The following EML6 variants were observed in gnomAD, a reference collection of about 807,000 sequenced individuals.
The protein encoded by EML6 is echinoderm microtubule-associated protein-like 6.
EML6 carries 154 observed loss-of-function variants against 240.1 expected under a neutral mutation model. The ratio of observed to expected loss-of-function variants is 0.64; its 90% CI spans 0.56 to 0.73. The LOEUF is 0.73. EML6 is among the 30% of genes least tolerant of loss of function. The probability of loss-of-function intolerance (pLI) is 0.00; values close to 1 mark genes in which losing one functional copy is unlikely to be tolerated. For synonymous variants in EML6, 1,148 were observed against 899.0 expected, an observed-to-expected ratio of 1.28 and a Z score of -4.95; for missense variants, 2,964 against 2,474.6, an observed-to-expected ratio of 1.20 and a Z score of -4.20.
At chr2:54,748,390 G>A (rs2103688930) in intron 2 of EML6, 1 of 152,128 alleles carries the variant, frequency 6.6e-6, no homozygotes, top group South Asian at 2.1e-4. Flanking sequence ...ATCTGGTTTT[G>A]GTTTTTCTTC....
At chr2:54,903,631 G>T in intron 24 of EML6, 129 bp downstream of exon 24, 2 of 771,028 alleles carry the variant, frequency 2.6e-6, no homozygotes, top group Non-Finnish European at 4.0e-6. Flanking sequence ...CAATATAAAC[G>T]ACTGTAATTT....
intron 10 of EML6, among the ~76,000 whole-genome samples, chr2:54,851,166 T>A (rs1411740006): frequency 6.6e-6 from 1 of 152,152 alleles, no homozygotes; most frequent in Non-Finnish European, 1.5e-5. Context: ...CCTAGCACTT[T>A]TGGAGACTGA....
At chr2:54,937,048 G>A (rs1381162657) in intron 28 of EML6, among the ~76,000 whole-genome samples, 4 of 151,368 alleles carry the variant, frequency 2.6e-5, no homozygotes, top group Non-Finnish European at 5.9e-5. Flanking sequence ...GGGAGGCGGA[G>A]GAGGGTGGAT....
In EML6 at chr2:54,916,904, G is replaced by C. The variant is rs1319085853; in HGVS notation, c.3644G>C (p.Gly1215Ala). 3 of 1,547,722 alleles carry C rather than the reference G, an allele frequency of 1.9e-6. No individual in the cohort carries two copies. The change falls in exon 26 of 42, where the codon GGT (glycine) becomes GCT (alanine). Residue 1215 changes from glycine (G) to alanine (A), a missense_variant. By Grantham distance (60) the Gly-to-Ala change is moderately conservative (BLOSUM62 0). Transcript: ENST00000356458. ...CTTTTAGCCACCGGAGATGATTTTG[G>C]TTTCGTTAAGCTTTTTTCATATCCT... Reference protein sequence around the residue: ...CSLLATGDDFGFVKLFSYPVK... With the variant: ...CSLLATGDDFAFVKLFSYPVK...
intron 30 of EML6, among the ~76,000 whole-genome samples, chr2:54,952,151 A>C (rs1676012549): frequency 6.6e-6 from 1 of 152,172 alleles, no homozygotes; most frequent in African/African-American, 2.4e-5. Flanking sequence ...CATATTCCAC[A>C]TGAAGAAGTG....
intron 2 of EML6, among the ~76,000 whole-genome samples, chr2:54,744,694 G>A (rs1417466583): frequency 6.6e-6 from 1 of 152,076 alleles, no homozygotes; most frequent in Non-Finnish European, 1.5e-5. Flanking sequence ...GGTCAGTTAG[G>A]GGAGAGAGGG....
At chr2:54,828,409 C>T (rs955924125) in intron 6 of EML6, among the ~76,000 whole-genome samples, 1 of 152,096 alleles carries the variant, frequency 6.6e-6, no homozygotes, top group African/African-American at 2.4e-5. Flanking sequence ...TAAAATTGTC[C>T]CTATAAATGG....
At chr2:54,759,715 T>C (rs1321548594) in intron 2 of EML6, among the ~76,000 whole-genome samples, 1 of 152,020 alleles carries the variant, frequency 6.6e-6, no homozygotes, top group African/African-American at 2.4e-5. Flanking sequence ...CAAGCTAGCA[T>C]GTGAATGCTC....
intron 2 of EML6, among the ~76,000 whole-genome samples, chr2:54,797,168 A>AAAAAAAAAAAAAAAAAACAAC (rs1572911671): frequency 1.6e-5 from 2 of 125,978 alleles, no homozygotes; most frequent in East Asian, 4.2e-4. Context: ...CCATCTCAAA[A>AAAAAAAAAAAAAAAAAACAAC]AAAAAAAAAA....
chr2:54,892,738 C>A (rs1449731069), intron 19 of EML6, 82 bp downstream of exon 19: 3 of 1,081,160 alleles, frequency 2.8e-6, no homozygotes, highest in African/African-American at 3.2e-5. Flanking sequence ...CAAGAGGATG[C>A]CTGTATCTAA....
intron 5 of EML6, 29 bp from the exon 6 acceptor site, chr2:54,827,537 G>T (rs906060123): frequency 2.6e-6 from 4 of 1,519,214 alleles, no homozygotes; most frequent in African/African-American, 1.4e-5. Context: ...ACTCTATCTT[G>T]GAGATCTATT....
chr2:54,933,716 AGT>A (rs1403404510), intron 28 of EML6, among the ~76,000 whole-genome samples: 1 of 152,122 alleles, frequency 6.6e-6, no homozygotes, highest in Non-Finnish European at 1.5e-5. Context: ...TGGGTGACAG[AGT>A]GAGACTCTGC....
chr2:54,895,145 C>G lies in EML6; in HGVS notation c.2854+119C>G, dbSNP rs1471017881. The G allele has an allele frequency of 7.6e-6, 10 of 1,323,814 alleles. No individual in the cohort carries two copies. In the African/African-American group the frequency reaches 1.0e-4, roughly 14 times the overall value. 82.0% of individuals were successfully genotyped at this position (1,323,814 alleles called of 1,614,324 possible). On this transcript the variant is annotated intron_variant, in intron 20 of 41. Transcript: ENST00000356458. ...TTCTCCCTCTTCCATGTTTAGAACT[C>G]TCTTCCTCTGGTAGAAATGTCAAGG...
At chr2:54,809,884 C>T (rs975358118) in intron 2 of EML6, among the ~76,000 whole-genome samples, 2 of 151,998 alleles carry the variant, frequency 1.3e-5, no homozygotes, top group African/African-American at 4.8e-5. Context: ...GACATGGATG[C>T]CATTTGGCTG....
At chr2:54,801,045 G>A (rs1485278246) in intron 2 of EML6, among the ~76,000 whole-genome samples, 3 of 152,116 alleles carry the variant, frequency 2.0e-5, no homozygotes, top group Non-Finnish European at 2.9e-5. Flanking sequence ...TTGAGGCCGG[G>A]TGCAGTGGCT....
intron 28 of EML6, among the ~76,000 whole-genome samples, chr2:54,934,820 G>C (rs1287655653): frequency 6.6e-6 from 1 of 152,106 alleles, no homozygotes; most frequent in Non-Finnish European, 1.5e-5. Flanking sequence ...CCAAGTGCTA[G>C]GATTCCAGGT....
chr2:54,901,477 G>A (rs911359362), intron 22 of EML6, among the ~76,000 whole-genome samples: 1 of 152,276 alleles, frequency 6.6e-6, no homozygotes, highest in East Asian at 1.9e-4. Flanking sequence ...TCAGTGAATG[G>A]ACTTTATTCT....
chr2:54,801,463 C>T (rs1239653375), intron 2 of EML6, among the ~76,000 whole-genome samples: 3 of 152,172 alleles, frequency 2.0e-5, no homozygotes, highest in African/African-American at 2.4e-5. Flanking sequence ...GAGGGATACT[C>T]GTGTCAAAGT....
chr2:54,828,306 G>A (rs895961513), intron 6 of EML6, among the ~76,000 whole-genome samples: 1 of 152,178 alleles, frequency 6.6e-6, no homozygotes, highest in Admixed American at 6.5e-5. Context: ...TCTTCTGATG[G>A]TCTGCTCAGT....
Sources: allele counts gnomAD v4.1 joint callset (sites outside exome capture counted in the v4.1 genomes callset), GRCh38; gene constraint gnomAD v4.1.1; transcripts MANE v1.5; gene names NCBI Gene and HGNC (gene_info 2026-07-23, HGNC 2026-07-21).